PCDHGA11: variants seen among roughly 807,000 people sequenced by gnomAD.
The protein encoded by PCDHGA11 is protocadherin gamma-A11.
Under a neutral mutation model 60.4 loss-of-function variants are expected in PCDHGA11, and 39 were observed. That is an observed-to-expected ratio of 0.65 (90% CI 0.50 to 0.84). The LOEUF (loss-of-function observed/expected upper bound fraction) is 0.84, where lower values mean the gene tolerates loss of function less well. Among genes scored for constraint, PCDHGA11 ranks in the 40% least tolerant of loss-of-function variants. The pLI is 0.00. For synonymous variants in PCDHGA11, 533 were observed against 510.3 expected, an observed-to-expected ratio of 1.04 and a Z score of -0.60; for missense variants, 1,165 against 1,197.7, an observed-to-expected ratio of 0.97 and a Z score of 0.40.
chr5:141,470,016 C>T (rs116065751), intron 1 of PCDHGA11, among the ~76,000 whole-genome samples: 69 of 152,264 alleles, frequency 4.5e-4, no homozygotes, highest in Non-Finnish European at 7.2e-4. Flanking sequence ...GTAATCCCAG[C>T]TACTCGGGAT....
Position 141,477,912 on chromosome 5 carries a change from A to T in PCDHGA11, c.2434-16895A>T. The T allele has an allele frequency of 6.2e-7, 1 of 1,614,166 alleles. No individual in the cohort carries two copies. Among genetic ancestry groups the T allele is most frequent in the Non-Finnish European group, 8.5e-7 (1 of 1,180,022 alleles). ...TCACGGGTGGTAGGCTGGGACGCGGATGCAGGGCACAATGCCTGGCTCTCC... is the reference window on the plus strand; with the variant it reads ...TCACGGGTGGTAGGCTGGGACGCGGTTGCAGGGCACAATGCCTGGCTCTCC... On this transcript the variant is annotated intron_variant, in intron 1 of 3. Coordinates refer to ENST00000398587, the MANE Select transcript of PCDHGA11 (RefSeq NM_018914.3). This position sits in a 1 kb window ranked among gnomAD's most constrained non-coding sequence, Gnocchi z 4.9.
At chr5:141,470,038 A>C (rs1256439782) in intron 1 of PCDHGA11, among the ~76,000 whole-genome samples, 1 of 152,204 alleles carries the variant, frequency 6.6e-6, no homozygotes, top group Non-Finnish European at 1.5e-5. Flanking sequence ...CTGAGGCGCG[A>C]GAACTGTTTG....
chr5:141,494,937 G>C (rs759078748), intron 2 of PCDHGA11, 72 bp downstream of exon 2: 1 of 1,612,276 alleles, frequency 6.2e-7, no homozygotes, highest in African/African-American at 1.3e-5. Flanking sequence ...GAGGAGATGG[G>C]GGAGGGCCCA....
rs1212833348 is a variant in PCDHGA11 at position 141,431,379 on chromosome 5, C to T, written c.2433+7719C>T. On this transcript the variant is annotated intron_variant, in intron 1 of 3. Transcript: ENST00000398587. The surrounding 1 kb of genome is among the most constrained non-coding windows in gnomAD (Gnocchi z 4.8). ...GCCCTGGACCGCGAAGAAAAGGCTG[C>T]TCACCACCTGGTCCTTACGGCCTCC... is the stretch of plus-strand genomic sequence containing the variant. 3 of 1,613,946 alleles carry T rather than the reference C, an allele frequency of 1.9e-6. No individual in the cohort carries two copies. Among genetic ancestry groups the T allele is most frequent in the Non-Finnish European group, 2.5e-6 (3 of 1,180,020 alleles).
intron 1 of PCDHGA11, among the ~76,000 whole-genome samples, chr5:141,488,434 C>T (rs1231743982): frequency 2.6e-5 from 4 of 152,166 alleles, no homozygotes; most frequent in African/African-American, 7.2e-5. Flanking sequence ...TGGCCTCTGA[C>T]CACCCTCCTG....
chr5:141,426,971 G>A, intron 1 of PCDHGA11: 1 of 456,732 alleles, frequency 2.2e-6, no homozygotes, highest in South Asian at 1.5e-5. Context: ...TTCAAATTGA[G>A]GTCACTGATG....
rs760070878 is a variant in PCDHGA11, at chr5:141,490,862, C to T, written c.2434-3945C>T. On this transcript the variant is annotated intron_variant, in intron 1 of 3. Coordinates refer to ENST00000398587, the MANE Select transcript of PCDHGA11 (RefSeq NM_018914.3). This position sits in a 1 kb window ranked among gnomAD's most constrained non-coding sequence, Gnocchi z 5.4. ...GTGGTGGGGGTTCGAGACTCCGGCTCTCCCCCATTGCATGCCAACACATCT... is the reference window on the plus strand; with the variant it reads ...GTGGTGGGGGTTCGAGACTCCGGCTTTCCCCCATTGCATGCCAACACATCT... 2.0e-5 allele frequency: 33 copies of T among 1,613,878 alleles called. No individual in the cohort carries two copies. Among genetic ancestry groups the T allele is most frequent in the Non-Finnish European group, 2.8e-5 (33 of 1,179,920 alleles).
At chr5:141,459,814 T>C (rs757306281) in intron 1 of PCDHGA11, among the ~76,000 whole-genome samples, 1 of 152,256 alleles carries the variant, frequency 6.6e-6, no homozygotes, top group African/African-American at 2.4e-5. Flanking sequence ...CTAGAGACAC[T>C]GAGCAACTTT....
In PCDHGA11 at chr5:141,486,476, C is replaced by G. The variant is rs765887978; in HGVS notation, c.2434-8331C>G. The G allele has an allele frequency of 5.0e-6, 8 of 1,613,934 alleles. No homozygotes were observed. In the South Asian group the frequency reaches 7.7e-5, roughly 16 times the overall value. ...TGCTTCTGATGCTGGGAACCCTCCTCTCAGTACCCACAGAACTATTTTCCT... is the reference window on the plus strand; with the variant it reads ...TGCTTCTGATGCTGGGAACCCTCCTGTCAGTACCCACAGAACTATTTTCCT... On this transcript the variant is annotated intron_variant, in intron 1 of 3. Coordinates refer to ENST00000398587, the MANE Select transcript of PCDHGA11 (RefSeq NM_018914.3). The surrounding 1 kb of genome is among the most constrained non-coding windows in gnomAD (Gnocchi z 5.0).
chr5:141,424,055 C>A, intron 1 of PCDHGA11: 2 of 1,007,784 alleles, frequency 2.0e-6, no homozygotes, highest in Non-Finnish European at 1.2e-6. Context: ...TTTTGCTGTG[C>A]CTTCACTGAT....
In PCDHGA11 at chr5:141,487,743, G is replaced by C. The variant is rs1424889718; in HGVS notation, c.2434-7064G>C. The C allele has an allele frequency of 1.9e-6, 3 of 1,559,988 alleles. No homozygotes were observed. Among genetic ancestry groups the C allele is most frequent in the Non-Finnish European group, 2.6e-6 (3 of 1,150,774 alleles). ...AGTGATGTCACCATTTTTGTAAGAG[G>C]TAACTATGTGGTAGACGCTGTGCTT... On this transcript the variant is annotated intron_variant, in intron 1 of 3. Transcript: ENST00000398587. The surrounding 1 kb of genome is among the most constrained non-coding windows in gnomAD (Gnocchi z 5.0).
At chr5:141,496,602 C>A (rs981108050) in intron 2 of PCDHGA11, among the ~76,000 whole-genome samples, 5 of 152,150 alleles carry the variant, frequency 3.3e-5, no homozygotes, top group Admixed American at 1.3e-4. Flanking sequence ...TCTTAGAAGG[C>A]CCCTAAAAAG....
At chr5:141,482,755 T>TGA (rs1554165462) in intron 1 of PCDHGA11, among the ~76,000 whole-genome samples, 1 of 143,580 alleles carries the variant, frequency 7.0e-6, no homozygotes, top group Admixed American at 6.9e-5. Context: ...GGGATTATGG[T>TGA]ATTTCATTAT....
Position 141,476,480 on chromosome 5 carries a change from G to A in PCDHGA11, c.2434-18327G>A, listed in dbSNP as rs761828753. 1 of 1,614,108 alleles carries A rather than the reference G, an allele frequency of 6.2e-7. No individual in the cohort carries two copies. The highest frequency in any genetic ancestry group is 2.2e-5 in the East Asian group (1 of 44,846). On this transcript the variant is annotated intron_variant, in intron 1 of 3. Transcript: ENST00000398587. This position sits in a 1 kb window ranked among gnomAD's most constrained non-coding sequence, Gnocchi z 7.6. ...GAACCCGCTGGAGCTGTTCAGCGTG[G>A]AAGTGGTGATCCAGGACATCAACGA...
At chr5:141,433,273 A>T in intron 1 of PCDHGA11, 1 of 1,258,988 alleles carries the variant, frequency 7.9e-7, no homozygotes. Flanking sequence ...AGCTCACTGC[A>T]GCCTCAAACT....
At position 141,487,219 on chromosome 5, in the gene PCDHGA11, A is replaced by G. The variant is rs750819958; in HGVS notation, c.2434-7588A>G. ...CAGATCTTCGAGAATCTTCAGCTCC[A>G]AGGGAAGGAGAATCTCGTCTAACCC... On this transcript the variant is annotated intron_variant, in intron 1 of 3. Transcript: ENST00000398587. This position sits in a 1 kb window ranked among gnomAD's most constrained non-coding sequence, Gnocchi z 5.0. The G allele has an allele frequency of 1.2e-6, 2 of 1,613,952 alleles. No individual in the cohort carries two copies. The highest frequency in any genetic ancestry group is 3.3e-5 in the Admixed American group (2 of 60,020).
rs866752085 is a variant in PCDHGA11, at chr5:141,424,634, A to G, written c.2433+974A>G. ...AATAGAGTAGTTTGTGAATATATAA[A>G]TAGATTGAAGGTATTTGGACTTTAA... On this transcript the variant is annotated intron_variant, in intron 1 of 3. Coordinates refer to ENST00000398587, the MANE Select transcript of PCDHGA11 (RefSeq NM_018914.3). 6 of 152,338 alleles carry G rather than the reference A, an allele frequency of 3.9e-5. No individual in the cohort carries two copies. The South Asian group carries it at 1.2e-3, about 32-fold the overall frequency. 9.4% of individuals were successfully genotyped at this position (152,338 alleles called of 1,614,324 possible).
rs779750859 is a variant in PCDHGA11, at chr5:141,476,273, A to G, written c.2434-18534A>G. On this transcript the variant is annotated intron_variant, in intron 1 of 3. Transcript: ENST00000398587. The surrounding 1 kb of genome is among the most constrained non-coding windows in gnomAD (Gnocchi z 7.6). Reference sequence around the variant, plus strand: ...TTTCGCTGTGGGCAACGTGGTCGCGAACCTTGGTTTGGATCTCGGTAGCCT... The same window carrying G: ...TTTCGCTGTGGGCAACGTGGTCGCGGACCTTGGTTTGGATCTCGGTAGCCT... 6.2e-7 allele frequency: 1 copy of G among 1,613,964 alleles called. No individual in the cohort carries two copies. The highest frequency in any genetic ancestry group is 1.1e-5 in the South Asian group (1 of 91,064).
chr5:141,437,794 G>A (rs1162440523), intron 1 of PCDHGA11, among the ~76,000 whole-genome samples: 3 of 150,526 alleles, frequency 2.0e-5, no homozygotes, highest in Non-Finnish European at 4.4e-5. Flanking sequence ...CTGGAGTGCA[G>A]TGGCACTATC....
Sources: gnomAD v4.1 joint callset for allele counts (sites outside exome capture counted in the v4.1 genomes callset) on GRCh38, gnomAD v4.1.1 for gene constraint, Gnocchi (gnomAD v3.1) non-coding constraint, MANE v1.5 for transcripts, NCBI Gene and HGNC (gene_info 2026-07-23, HGNC 2026-07-21) for gene names.